Variants in ARHGAP24 observed in about 807,000 individuals in gnomAD.
The protein encoded by ARHGAP24 is rho GTPase-activating protein 24.
ARHGAP24 carries 50 observed loss-of-function variants against 76.4 expected under a neutral mutation model. The observed-to-expected ratio is 0.65, with a 90% CI of 0.52 to 0.83. The LOEUF (loss-of-function observed/expected upper bound fraction) is 0.83. Ranked by LOEUF, ARHGAP24 falls within the 40% of genes least tolerant of loss-of-function variation. The pLI, the probability that ARHGAP24 is intolerant of heterozygous loss-of-function variation, is 0.00. For missense variants in ARHGAP24, 930 were observed against 914.2 expected (o/e 1.02, Z -0.22); for synonymous variants, 345 against 323.3 (o/e 1.07, Z -0.72).
chr4:85,710,372 A>G (rs1181878957), intron 2 of ARHGAP24, among the ~76,000 whole-genome samples: 1 of 152,106 alleles, frequency 6.6e-6, no homozygotes, highest in Non-Finnish European at 1.5e-5. Context: ...ATAAAATGTA[A>G]AAACCCTGGA....
At chr4:85,837,271 A>G (rs887440920) in intron 3 of ARHGAP24, among the ~76,000 whole-genome samples, 1 of 152,192 alleles carries the variant, frequency 6.6e-6, no homozygotes, top group Non-Finnish European at 1.5e-5. Context: ...AATTTGAGTC[A>G]GCCTAGCTAA....
intron 2 of ARHGAP24, among the ~76,000 whole-genome samples, chr4:85,703,666 G>T (rs1724188311): frequency 6.6e-6 from 1 of 151,996 alleles, no homozygotes; most frequent in African/African-American, 2.4e-5. Flanking sequence ...AAATCTGCTG[G>T]CACCTTGATA....
intron 4 of ARHGAP24, among the ~76,000 whole-genome samples, chr4:85,936,874 G>C (rs752820294): frequency 6.6e-6 from 1 of 152,186 alleles, no homozygotes; most frequent in Non-Finnish European, 1.5e-5. Context: ...GTTCAGCATA[G>C]TTTGAGAGCA....
chr4:85,811,039 G>T (rs918791872), intron 3 of ARHGAP24, among the ~76,000 whole-genome samples: 3 of 152,014 alleles, frequency 2.0e-5, no homozygotes, highest in Admixed American at 1.3e-4. Flanking sequence ...CAATGTTAAG[G>T]CTCAACTATA....
At chr4:85,916,303 T>A (rs1010231853) in intron 3 of ARHGAP24, among the ~76,000 whole-genome samples, 1 of 152,202 alleles carries the variant, frequency 6.6e-6, no homozygotes, top group African/African-American at 2.4e-5. Context: ...TTGTAGCTTC[T>A]GGATATTAGC....
chr4:85,932,637 G>C (rs1578403227), intron 4 of ARHGAP24, among the ~76,000 whole-genome samples: 1 of 152,096 alleles, frequency 6.6e-6, no homozygotes, highest in East Asian at 1.9e-4. Context: ...TCTCCCGGGG[G>C]GCTATTTTTA....
At chr4:85,965,592 T>G (rs901508621) in intron 5 of ARHGAP24, among the ~76,000 whole-genome samples, 10 of 139,868 alleles carry the variant, frequency 7.1e-5, no homozygotes, top group African/African-American at 2.8e-4. Flanking sequence ...TCTTTGGAAT[T>G]CCCTCCTTTG....
intron 2 of ARHGAP24, among the ~76,000 whole-genome samples, chr4:85,656,952 TA>T (rs200658091): frequency 8.1e-6 from 1 of 123,454 alleles, no homozygotes; most frequent in African/African-American, 3.4e-5. Context: ...TAAGCTGCTT[TA>T]AAAAAAATGT....
chr4:85,928,210 C>A (rs992590466), intron 4 of ARHGAP24, among the ~76,000 whole-genome samples: 2 of 135,108 alleles, frequency 1.5e-5, no homozygotes, highest in Non-Finnish European at 3.2e-5. Context: ...GGGAAGGTTT[C>A]GTTTTCCTTC....
chr4:85,900,251 T>A (rs1184348032), intron 3 of ARHGAP24, among the ~76,000 whole-genome samples: 1 of 152,196 alleles, frequency 6.6e-6, no homozygotes, highest in African/African-American at 2.4e-5. Flanking sequence ...ATTCTATCAG[T>A]ATATGTTCTC....
intron 1 of ARHGAP24, among the ~76,000 whole-genome samples, chr4:85,539,574 T>C (rs753210493): frequency 6.6e-6 from 1 of 152,184 alleles, no homozygotes; most frequent in Admixed American, 6.5e-5. Flanking sequence ...TAAACTGTAA[T>C]TTTGCTTTTT....
At chr4:85,605,359 A>G (rs1720160177) in intron 2 of ARHGAP24, among the ~76,000 whole-genome samples, 1 of 152,314 alleles carries the variant, frequency 6.6e-6, no homozygotes, top group East Asian at 1.9e-4. Context: ...ATGTACCTCA[A>G]AACTCAAGTG....
intron 3 of ARHGAP24, among the ~76,000 whole-genome samples, chr4:85,736,047 C>G (rs1481953842): frequency 6.6e-6 from 1 of 152,126 alleles, no homozygotes; most frequent in Non-Finnish European, 1.5e-5. Context: ...ACCATAGGCC[C>G]TTTATATATG....
intron 4 of ARHGAP24, among the ~76,000 whole-genome samples, chr4:85,938,269 A>G (rs1367003950): frequency 1.3e-5 from 2 of 152,128 alleles, no homozygotes; most frequent in African/African-American, 4.8e-5. Context: ...AATACTGGGG[A>G]CGGTTTTGTC....
chr4:85,477,580 C>T (rs1391636862), intron 1 of ARHGAP24, among the ~76,000 whole-genome samples: 2 of 152,124 alleles, frequency 1.3e-5, no homozygotes. Flanking sequence ...GTTTTATTTA[C>T]TGTGTGATCT....
At chr4:85,580,602 T>G (rs1727568787) in intron 2 of ARHGAP24, among the ~76,000 whole-genome samples, 1 of 152,108 alleles carries the variant, frequency 6.6e-6, no homozygotes, top group South Asian at 2.1e-4. Flanking sequence ...TCTACGAACT[T>G]TTTCCAGTTC....
intron 3 of ARHGAP24, among the ~76,000 whole-genome samples, chr4:85,843,615 C>A (rs1204282681): frequency 1.3e-5 from 2 of 151,890 alleles, no homozygotes. Flanking sequence ...AACATATCAA[C>A]GTATTTTGTG....
At chr4:85,999,061 T>C (rs2148875282) in intron 9 of ARHGAP24, among the ~76,000 whole-genome samples, 1 of 152,328 alleles carries the variant, frequency 6.6e-6, no homozygotes, top group East Asian at 1.9e-4. Flanking sequence ...ATGTTTGCAT[T>C]GGGAGGGATT....
At position 85,797,001 on chromosome 4, in the gene ARHGAP24, G is replaced by C. The variant is rs957286381; in HGVS notation, c.268+75029G>C. ...GGAAGGTGTGTACACTGGAGGGGCT[G>C]GGTGCTGGAGAAGCTGCCTGTGCTG... On this transcript the variant is annotated intron_variant, in intron 3 of 9. Coordinates refer to ENST00000395184, the MANE Select transcript of ARHGAP24 (RefSeq NM_001025616.3). Among the ~76,000 whole-genome samples, 6 of 152,284 alleles carry C rather than the reference G, an allele frequency of 3.9e-5. No homozygotes were observed. In the East Asian group the frequency reaches 1.2e-3, roughly 29 times the overall value.
Sources: gnomAD v4.1 joint callset for allele counts (sites outside exome capture counted in the v4.1 genomes callset) on GRCh38, gnomAD v4.1.1 for gene constraint, MANE v1.5 for transcripts, NCBI Gene and HGNC (gene_info 2026-07-23, HGNC 2026-07-21) for gene names.